Variants in THSD7B observed in about 807,000 individuals in gnomAD.
The protein encoded by THSD7B is thrombospondin type 1 domain containing 7B.
In THSD7B, 138 loss-of-function variants were observed where a neutral mutation model predicts 213.6. The observed-to-expected ratio is 0.65, with a 90% CI of 0.56 to 0.74. The LOEUF (loss-of-function observed/expected upper bound fraction) is 0.74, where lower values mean the gene tolerates loss of function less well. Among genes scored for constraint, THSD7B ranks in the 30% least tolerant of loss-of-function variants. THSD7B has a pLI of 0.00. For synonymous variants in THSD7B, 742 were observed against 687.0 expected (o/e 1.08, Z -1.25); for missense variants, 1,931 against 1,991.5 (o/e 0.97, Z 0.58).
At chr2:137,638,446 G>A (rs767484996) in intron 20 of THSD7B, among the ~76,000 whole-genome samples, 3 of 152,138 alleles carry the variant, frequency 2.0e-5, no homozygotes, top group Non-Finnish European at 4.4e-5. Flanking sequence ...CCCCAGCCAC[G>A]TGGAACTGTA....
chr2:137,243,277 C>T (rs902726628), intron 10 of THSD7B, among the ~76,000 whole-genome samples: 2 of 152,188 alleles, frequency 1.3e-5, no homozygotes, highest in Non-Finnish European at 2.9e-5. Flanking sequence ...CCCAAAACTC[C>T]ATTTTGGCCT....
intron 2 of THSD7B, among the ~76,000 whole-genome samples, chr2:136,941,074 C>A (rs1684818756): frequency 6.6e-6 from 1 of 152,028 alleles, no homozygotes; most frequent in Admixed American, 6.6e-5. Flanking sequence ...TCTCATTGTT[C>A]AATTCCTATG....
At chr2:137,346,560 A>T (rs889594519) in intron 12 of THSD7B, among the ~76,000 whole-genome samples, 7 of 151,586 alleles carry the variant, frequency 4.6e-5, no homozygotes, top group African/African-American at 1.5e-4. Flanking sequence ...TGACTCTTAT[A>T]CCAATTATTT....
chr2:137,075,952 G>A (rs916325479), intron 3 of THSD7B, among the ~76,000 whole-genome samples: 1 of 152,158 alleles, frequency 6.6e-6, no homozygotes, highest in Non-Finnish European at 1.5e-5. Flanking sequence ...TGGAAGTTTT[G>A]TCTCAGAGGA....
chr2:137,403,809 G>A (rs1464617834), intron 12 of THSD7B, among the ~76,000 whole-genome samples: 1 of 152,174 alleles, frequency 6.6e-6, no homozygotes, highest in African/African-American at 2.4e-5. Context: ...GGCAATGCCT[G>A]GAGAGAGTTT....
At chr2:137,174,725 G>A (rs928419149) in intron 7 of THSD7B, among the ~76,000 whole-genome samples, 4 of 152,104 alleles carry the variant, frequency 2.6e-5, no homozygotes, top group African/African-American at 9.7e-5. Context: ...GTTCTTATTT[G>A]GAATCTGATT....
chr2:137,588,828 C>G (rs1337816090), intron 17 of THSD7B, among the ~76,000 whole-genome samples: 7 of 151,538 alleles, frequency 4.6e-5, no homozygotes, highest in Admixed American at 2.6e-4. Context: ...TCTTGTTGCT[C>G]AGGCTGGAGT....
chr2:137,474,374 C>T (rs1010585443), intron 15 of THSD7B, among the ~76,000 whole-genome samples: 1 of 152,160 alleles, frequency 6.6e-6, no homozygotes, highest in Non-Finnish European at 1.5e-5. Flanking sequence ...AAAGTCCACT[C>T]CCTTTGGTCT....
At chr2:137,019,177 G>T (rs1376233904) in intron 2 of THSD7B, among the ~76,000 whole-genome samples, 3 of 152,014 alleles carry the variant, frequency 2.0e-5, no homozygotes, top group Non-Finnish European at 4.4e-5. Context: ...CACCCCACTC[G>T]CCTCCATTCC....
At chr2:137,018,085 T>C (rs994804254) in intron 2 of THSD7B, among the ~76,000 whole-genome samples, 19 of 152,030 alleles carry the variant, frequency 1.2e-4, no homozygotes, top group Admixed American at 1.0e-3. Flanking sequence ...TTGCTATTGC[T>C]GTGTGTTGAA....
At chr2:137,024,038 A>T (rs983641709) in intron 2 of THSD7B, among the ~76,000 whole-genome samples, 15 of 152,028 alleles carry the variant, frequency 9.9e-5, no homozygotes, top group African/African-American at 3.6e-4. Flanking sequence ...AAGGCCATTG[A>T]TTACACATTC....
chr2:137,047,145 G>GA (rs1416253929), intron 2 of THSD7B, among the ~76,000 whole-genome samples: 1 of 152,198 alleles, frequency 6.6e-6, no homozygotes, highest in Non-Finnish European at 1.5e-5. Flanking sequence ...GGAATGGGAG[G>GA]ATACTCCTTT....
intron 7 of THSD7B, among the ~76,000 whole-genome samples, chr2:137,176,138 A>G (rs1275179804): frequency 6.6e-6 from 1 of 152,156 alleles, no homozygotes; most frequent in South Asian, 2.1e-4. Context: ...TATTCATCAG[A>G]TATTTCTTTT....
At chr2:137,074,519 T>C (rs1553468904) in intron 3 of THSD7B, among the ~76,000 whole-genome samples, 1 of 152,238 alleles carries the variant, frequency 6.6e-6, no homozygotes, top group Non-Finnish European at 1.5e-5. Context: ...AGCACACTGA[T>C]GGGTCTTGAC....
chr2:137,526,035 C>T (rs1680271239), intron 15 of THSD7B, among the ~76,000 whole-genome samples: 1 of 152,038 alleles, frequency 6.6e-6, no homozygotes, highest in Non-Finnish European at 1.5e-5. Flanking sequence ...CTAGCCAGCC[C>T]CTCCCAGGCT....
intron 7 of THSD7B, among the ~76,000 whole-genome samples, chr2:137,172,653 G>A (rs1680276713): frequency 6.6e-6 from 1 of 152,116 alleles, no homozygotes; most frequent in Non-Finnish European, 1.5e-5. Flanking sequence ...CCTGAGTTCT[G>A]TAATATGTCC....
chr2:137,451,164 A>C, intron 15 of THSD7B, 141 bp downstream of exon 15: 1 of 820,310 alleles, frequency 1.2e-6, no homozygotes, highest in Admixed American at 3.8e-5. Context: ...AGAGGGCCAA[A>C]ATTAAAATAA....
chr2:137,178,835 T>C (rs769091681), intron 7 of THSD7B, among the ~76,000 whole-genome samples: 1 of 152,242 alleles, frequency 6.6e-6, no homozygotes, highest in African/African-American at 2.4e-5. Context: ...ACGTAGACAT[T>C]GCAAGATAGC....
chr2:136,879,258 T>G (rs1030518405), intron 1 of THSD7B, among the ~76,000 whole-genome samples: 6 of 152,202 alleles, frequency 3.9e-5, no homozygotes, highest in African/African-American at 1.4e-4. Context: ...AGGGCTCTGT[T>G]CTGTTCCATT....
Sources: allele counts gnomAD v4.1 joint callset (sites outside exome capture counted in the v4.1 genomes callset), GRCh38; gene constraint gnomAD v4.1.1; transcripts MANE v1.5; gene names NCBI Gene and HGNC (gene_info 2026-07-23, HGNC 2026-07-21).